Variants in GRIA3 observed in about 807,000 individuals in gnomAD.
The protein encoded by GRIA3 is glutamate receptor 3.
In GRIA3, 3 loss-of-function variants were observed where a neutral mutation model predicts 63.0. The ratio of observed to expected loss-of-function variants is 0.05; its 90% CI spans 0.02 to 0.12. GRIA3 has a LOEUF of 0.12. Among genes scored for constraint, GRIA3 ranks in the 10% least tolerant of loss-of-function variants. The pLI is 1.00. For missense variants in GRIA3, 347 were observed against 700.9 expected, an observed-to-expected ratio of 0.50 and a Z score of 5.70; for synonymous variants, 274 against 257.9, an observed-to-expected ratio of 1.06 and a Z score of -0.60.
At chrX:123,424,482 T>G (rs1224144120) in intron 11 of GRIA3, among the ~76,000 whole-genome samples, 1 of 112,000 alleles carries the variant, frequency 8.9e-6, no homozygotes, top group Non-Finnish European at 1.9e-5. Context: ...ACTACTGTTT[T>G]GAGGCGAGAA....
intron 13 of GRIA3, among the ~76,000 whole-genome samples, chrX:123,473,799 T>A (rs1199018197): frequency 8.9e-6 from 1 of 111,979 alleles, no homozygotes; most frequent in Non-Finnish European, 1.9e-5. Context: ...AGATAATGTG[T>A]TATCAGAGCA....
chrX:123,275,951 T>C (rs1303474144), intron 3 of GRIA3, among the ~76,000 whole-genome samples: 3 of 112,457 alleles, frequency 2.7e-5, no homozygotes, highest in Non-Finnish European at 3.8e-5. Context: ...TTTATATTTA[T>C]ATCTGCATAC....
chrX:123,398,734 T>A lies in GRIA3; in HGVS notation c.1011T>A (p.Ala337=). The A allele has an allele frequency of 8.3e-7, 1 of 1,209,565 alleles. No homozygotes were observed. The highest frequency in any genetic ancestry group is 1.1e-6 in the Non-Finnish European group (1 of 893,608). The change falls in exon 7 of 16, where the codon GCT becomes GCA. Residue 337 remains alanine (A), a synonymous_variant. Transcript: ENST00000620443. ...TAGATGTGTCCCGGAGAGGAAGTGC[T>A]GGAGACTGCTTAGCAAATCCTGCTG... ...QRVDVSRRGS[A]GDCLANPAVP... is the part of the protein sequence containing the mutation.
chrX:123,298,499 T>C (rs138275996), intron 3 of GRIA3, among the ~76,000 whole-genome samples: 1,139 of 112,118 alleles, frequency 0.01, 7 homozygotes, highest in Middle Eastern at 0.018. Flanking sequence ...TGAGCTTTTT[T>C]CATATGATTA....
chrX:123,344,238 G>T (rs1008418025), intron 4 of GRIA3, among the ~76,000 whole-genome samples: 8 of 112,089 alleles, frequency 7.1e-5, no homozygotes, highest in African/African-American at 2.6e-4. Context: ...GTGACATAAG[G>T]TGATTGCAGT....
In GRIA3 at chrX:123,428,100, T is replaced by C. The variant is rs749212864; in HGVS notation, c.2037T>C (p.Tyr679=). ...TAGCTAAACAGACTGAAATTGCATATGGGACCCTGGACTCCGGTTCAACAA... is the reference window on the plus strand; with the variant it reads ...TAGCTAAACAGACTGAAATTGCATACGGGACCCTGGACTCCGGTTCAACAA... ...EDLAKQTEIA[Y]GTLDSGSTKE... Residue 679 remains tyrosine, a synonymous_variant, in exon 12 of 16, where the codon TAT becomes TAC. Coordinates refer to ENST00000620443, the MANE Select transcript of GRIA3 (RefSeq NM_007325.5). The C allele has an allele frequency of 8.3e-7, 1 of 1,204,820 alleles. No homozygotes were observed. The highest frequency in any genetic ancestry group is 1.1e-6 in the Non-Finnish European group (1 of 889,433).
intron 11 of GRIA3, among the ~76,000 whole-genome samples, chrX:123,425,816 G>A (rs946766042): frequency 9.0e-6 from 1 of 111,361 alleles, no homozygotes; most frequent in Non-Finnish European, 1.9e-5. Context: ...ATCCAGGGAC[G>A]AACAGGAACT....
chrX:123,202,771 A>G, intron 2 of GRIA3: 2 of 1,165,652 alleles, frequency 1.7e-6, no homozygotes, highest in South Asian at 1.9e-5. Flanking sequence ...AACTGGGCCT[A>G]TTGTATCTGG....
intron 10 of GRIA3, among the ~76,000 whole-genome samples, chrX:123,414,119 T>C (rs1010854170): frequency 8.9e-5 from 10 of 111,822 alleles, no homozygotes; most frequent in African/African-American, 3.3e-4. Flanking sequence ...GAAAGTGGTG[T>C]TGATATCAAG....
chrX:123,249,729 C>A (rs1024531328), intron 2 of GRIA3, among the ~76,000 whole-genome samples: 5 of 111,836 alleles, frequency 4.5e-5, no homozygotes, highest in African/African-American at 1.6e-4. Context: ...GCCTTTTGGA[C>A]CACGGTGGCA....
intron 12 of GRIA3, among the ~76,000 whole-genome samples, chrX:123,441,116 T>C (rs1450743577): frequency 9.0e-6 from 1 of 111,716 alleles, no homozygotes; most frequent in Non-Finnish European, 1.9e-5. Context: ...TTTAAAATTA[T>C]TTGGAGGGAG....
At position 123,394,346 on chromosome X, in the gene GRIA3, G is replaced by A. The variant is rs763193871; in HGVS notation, c.751-622G>A. 4.5e-5 allele frequency among the ~76,000 whole-genome samples: 5 copies of A among 110,399 alleles called. No homozygotes were observed. The East Asian group carries it at 1.1e-3, about 25-fold the overall frequency. ...CACACCACTGCACTCCAGCCTGGGC[G>A]ACACAGCGAGACTCTGCACTCCAGC... is the stretch of plus-strand genomic sequence containing the variant. On this transcript the variant is annotated intron_variant, in intron 5 of 15. Coordinates refer to ENST00000620443, the MANE Select transcript of GRIA3 (RefSeq NM_007325.5).
intron 13 of GRIA3, among the ~76,000 whole-genome samples, chrX:123,467,608 G>A (rs2045841339): frequency 8.9e-6 from 1 of 111,901 alleles, no homozygotes; most frequent in Admixed American, 9.5e-5. Context: ...AATTGAGCTG[G>A]ATTGGATGCA....
At chrX:123,427,660 T>C (rs768685015) in intron 11 of GRIA3, among the ~76,000 whole-genome samples, 2 of 111,476 alleles carry the variant, frequency 1.8e-5, no homozygotes, top group Admixed American at 1.9e-4. Flanking sequence ...CTGGGCAACA[T>C]AGAGAGACCT....
intron 2 of GRIA3, among the ~76,000 whole-genome samples, chrX:123,206,967 G>A (rs190197129): frequency 9.0e-6 from 1 of 111,290 alleles, no homozygotes; most frequent in East Asian, 2.8e-4. Context: ...TTATTTACAA[G>A]GGCCCTTCAC....
chrX:123,404,398 G>A (rs2045460104), intron 9 of GRIA3, among the ~76,000 whole-genome samples: 1 of 109,719 alleles, frequency 9.1e-6, no homozygotes, highest in African/African-American at 3.3e-5. Context: ...ATGTAACTAA[G>A]TCTGCCAAAT....
chrX:123,278,508 T>C (rs1403065320), intron 3 of GRIA3, among the ~76,000 whole-genome samples: 1 of 112,389 alleles, frequency 8.9e-6, no homozygotes, highest in South Asian at 3.7e-4. Context: ...TACACCAATG[T>C]CCTGAAGTGT....
At chrX:123,319,040 C>A (rs938849767) in intron 3 of GRIA3, among the ~76,000 whole-genome samples, 1 of 111,680 alleles carries the variant, frequency 9.0e-6, no homozygotes, top group African/African-American at 3.3e-5. Context: ...ATAAACCCAT[C>A]AGATCTTGTG....
intron 13 of GRIA3, among the ~76,000 whole-genome samples, chrX:123,466,749 C>G (rs1168147349): frequency 8.9e-6 from 1 of 112,535 alleles, no homozygotes; most frequent in East Asian, 2.8e-4. Flanking sequence ...AGCATGTAAA[C>G]TCACCTCTTG....
Sources: allele counts gnomAD v4.1 joint callset (sites outside exome capture counted in the v4.1 genomes callset), GRCh38; gene constraint gnomAD v4.1.1; transcripts MANE v1.5; gene names NCBI Gene and HGNC (gene_info 2026-07-23, HGNC 2026-07-21).